The following NR6A1 variants were observed in gnomAD, a reference collection of about 807,000 sequenced individuals.
The protein encoded by NR6A1 is retinoic acid receptor-related testis-associated receptor.
Under a neutral mutation model 59.1 loss-of-function variants are expected in NR6A1, and 7 were observed. The observed-to-expected ratio is 0.12, with a 90% CI of 0.07 to 0.22. The LOEUF is 0.22. Among genes scored for constraint, NR6A1 ranks in the 10% least tolerant of loss-of-function variants. The pLI, the probability that NR6A1 is intolerant of heterozygous loss-of-function variation, is 1.00. For missense variants in NR6A1, 468 were observed against 611.6 expected, an observed-to-expected ratio of 0.77 and a Z score of 2.48; for synonymous variants, 243 against 236.1, an observed-to-expected ratio of 1.03 and a Z score of -0.27.
chr9:124,710,582 T>C (rs1236818816), intron 2 of NR6A1, among the ~76,000 whole-genome samples: 3 of 152,262 alleles, frequency 2.0e-5, no homozygotes, highest in Non-Finnish European at 2.9e-5. Flanking sequence ...ATAAAGGATC[T>C]TCCTGGTGAA....
At chr9:124,550,611 G>A (rs866012610) in intron 3 of NR6A1, among the ~76,000 whole-genome samples, 7 of 151,960 alleles carry the variant, frequency 4.6e-5, no homozygotes, top group African/African-American at 1.4e-4. Flanking sequence ...ACCTGCTCCG[G>A]CCTCCCAAAG....
At chr9:124,762,753 C>T (rs937053464) in intron 1 of NR6A1, among the ~76,000 whole-genome samples, 1 of 152,172 alleles carries the variant, frequency 6.6e-6, no homozygotes, top group Non-Finnish European at 1.5e-5. Flanking sequence ...TTGGAAAATA[C>T]TGAATTACTG....
At chr9:124,596,837 A>G (rs1326353819) in intron 2 of NR6A1, among the ~76,000 whole-genome samples, 4 of 152,252 alleles carry the variant, frequency 2.6e-5, no homozygotes, top group Admixed American at 2.0e-4. Flanking sequence ...AAACATTCAA[A>G]TATCAGGACA....
rs576749092 is a variant in NR6A1, at chr9:124,676,441, A to T, written c.142+56867T>A. On this transcript the variant is annotated intron_variant, in intron 2 of 9. Coordinates refer to ENST00000487099, the MANE Select transcript of NR6A1 (RefSeq NM_033334.4). Reference sequence around the variant, plus strand: ...AGGGAGACTTTCTTGCCTTTTATTTAAAAAAAAAAATGACCTACATATAGC... The same window carrying T: ...AGGGAGACTTTCTTGCCTTTTATTTTAAAAAAAAAATGACCTACATATAGC... 5.9e-4 allele frequency among the ~76,000 whole-genome samples: 87 copies of T among 147,256 alleles called. No individual in the cohort carries two copies. In the South Asian group the frequency reaches 0.017, roughly 29 times the overall value.
chr9:124,578,994 G>C (rs560818612), intron 2 of NR6A1, among the ~76,000 whole-genome samples: 1 of 152,340 alleles, frequency 6.6e-6, no homozygotes, highest in South Asian at 2.1e-4. Flanking sequence ...AGAATTGTGA[G>C]AAACTGCCAG....
In NR6A1 at chr9:124,722,001, T is replaced by C. The variant is rs116941625; in HGVS notation, c.142+11307A>G. The stretch of plus-strand genomic sequence containing the variant: ...TTAAACAAATCTTATGAATGCTTAA[T>C]AAAAAATGCATGTGAAACATTCTGT... On this transcript the variant is annotated intron_variant, in intron 2 of 9. Coordinates refer to ENST00000487099, the MANE Select transcript of NR6A1 (RefSeq NM_033334.4). Among the ~76,000 whole-genome samples, 823 of 152,294 alleles carry C rather than the reference T, an allele frequency of 5.4e-3. 3 individuals are homozygous for C. Among genetic ancestry groups the C allele is most frequent in the Non-Finnish European group, 8.5e-3 (575 of 68,018 alleles).
At chr9:124,589,103 T>C (rs532715459) in intron 2 of NR6A1, among the ~76,000 whole-genome samples, 2 of 152,244 alleles carry the variant, frequency 1.3e-5, no homozygotes, top group East Asian at 3.9e-4. Context: ...GAGTCGAGGA[T>C]AGCAGATTTT....
At chr9:124,725,877 T>C (rs1839700853) in intron 2 of NR6A1, among the ~76,000 whole-genome samples, 1 of 152,238 alleles carries the variant, frequency 6.6e-6, no homozygotes, top group Non-Finnish European at 1.5e-5. Context: ...AGGAGTTTGC[T>C]GGTTGTGTCA....
Position 124,748,695 on chromosome 9 carries a change from T to C in NR6A1, c.101-15346A>G, listed in dbSNP as rs555508603. Among the ~76,000 whole-genome samples, 91 of 151,190 alleles carry C rather than the reference T, an allele frequency of 6.0e-4. 1 individual carries two copies. In the South Asian group the frequency reaches 0.018, roughly 31 times the overall value. On this transcript the variant is annotated intron_variant, in intron 1 of 9. Transcript: ENST00000487099. The stretch of plus-strand genomic sequence containing the variant: ...CTAACACGGTGAAACCCCGTCTCTA[T>C]TAAAAATACAAAAAAAAAAATTAGC...
intron 1 of NR6A1, among the ~76,000 whole-genome samples, chr9:124,759,145 A>C (rs1028984825): frequency 6.6e-6 from 1 of 152,128 alleles, no homozygotes; most frequent in Admixed American, 6.5e-5. Context: ...CTTTCTCACT[A>C]TCTCTCTTTT....
intron 1 of NR6A1, among the ~76,000 whole-genome samples, chr9:124,736,061 G>A (rs558605289): frequency 1.3e-5 from 2 of 152,170 alleles, no homozygotes; most frequent in Non-Finnish European, 2.9e-5. Context: ...CATGCCAGAA[G>A]TGAAACTGAG....
At chr9:124,579,175 T>C (rs1588681998) in intron 2 of NR6A1, among the ~76,000 whole-genome samples, 1 of 152,172 alleles carries the variant, frequency 6.6e-6, no homozygotes, top group Admixed American at 6.5e-5. Flanking sequence ...CCCAGCTACC[T>C]GGGAGGCTTA....
At chr9:124,579,472 A>G (rs1834699572) in intron 2 of NR6A1, among the ~76,000 whole-genome samples, 7 of 152,170 alleles carry the variant, frequency 4.6e-5, no homozygotes, top group Admixed American at 4.6e-4. Context: ...TGGGAGGGTC[A>G]CTTGAGCCTG....
intron 2 of NR6A1, among the ~76,000 whole-genome samples, chr9:124,592,298 T>C (rs1212464852): frequency 6.6e-6 from 1 of 152,220 alleles, no homozygotes; most frequent in African/African-American, 2.4e-5. Context: ...AGGGTCATGG[T>C]AGGTTTCATA....
chr9:124,589,263 G>A lies in NR6A1; in HGVS notation c.143-34693C>T, dbSNP rs560082409. On this transcript the variant is annotated intron_variant, in intron 2 of 9. Coordinates refer to ENST00000487099, the MANE Select transcript of NR6A1 (RefSeq NM_033334.4). ...AGATCGAGACCATTCTGGCTAACAC[G>A]GTGAAACCCCGTCTCTACTAAAAAC... 3.3e-4 allele frequency among the ~76,000 whole-genome samples: 50 copies of A among 152,102 alleles called. 1 individual carries two copies. Among genetic ancestry groups the A allele is most frequent in the African/African-American group, 1.1e-3 (47 of 41,504 alleles).
intron 6 of NR6A1, among the ~76,000 whole-genome samples, chr9:124,537,878 G>A (rs898964133): frequency 3.3e-5 from 5 of 152,092 alleles, no homozygotes; most frequent in Non-Finnish European, 5.9e-5. Flanking sequence ...CATAGGAACT[G>A]GAAAGTAACC....
At chr9:124,757,508 A>G (rs1039638228) in intron 1 of NR6A1, among the ~76,000 whole-genome samples, 23 of 150,344 alleles carry the variant, frequency 1.5e-4, no homozygotes, top group African/African-American at 5.4e-4. Context: ...AGAAAATGTT[A>G]ATGAAAGTTG....
intron 2 of NR6A1, 152 bp downstream of exon 2, chr9:124,733,156 G>C: frequency 1.6e-6 from 1 of 643,710 alleles, no homozygotes; most frequent in Non-Finnish European, 2.8e-6. Flanking sequence ...AGAAAAGACA[G>C]AGTGCCCTTC....
intron 2 of NR6A1, among the ~76,000 whole-genome samples, chr9:124,620,024 G>A (rs1015179985): frequency 2.0e-5 from 3 of 152,118 alleles, no homozygotes; most frequent in African/African-American, 7.2e-5. Flanking sequence ...TTGCGCCATT[G>A]CACTCCAGCC....
Sources: allele counts gnomAD v4.1 joint callset (sites outside exome capture counted in the v4.1 genomes callset), GRCh38; gene constraint gnomAD v4.1.1; transcripts MANE v1.5; gene names NCBI Gene and HGNC (gene_info 2026-07-23, HGNC 2026-07-21).